The following FBXL5 variants were observed in gnomAD, a reference collection of about 807,000 sequenced individuals.
FBXL5 encodes the protein F-box and leucine rich repeat protein 5, also known as F-box/LRR-repeat protein 5.
FBXL5 carries 26 observed loss-of-function variants against 78.3 expected under a neutral mutation model. That is an observed-to-expected ratio of 0.33 (90% CI 0.24 to 0.46). The LOEUF is 0.46. Ranked by LOEUF, FBXL5 falls within the 20% of genes least tolerant of loss-of-function variation. FBXL5 has a pLI of 1.00. For missense variants in FBXL5, 710 were observed against 829.2 expected (o/e 0.86, Z 1.77); for synonymous variants, 295 against 282.5 (o/e 1.04, Z -0.45).
intron 9 of FBXL5, among the ~76,000 whole-genome samples, chr4:15,623,652 ACT>A (rs1306897419): frequency 1.3e-5 from 2 of 152,296 alleles, no homozygotes; most frequent in East Asian, 3.9e-4. Context: ...AAAGAATAAA[ACT>A]CAGAATAAAG....
chr4:15,651,049 G>T (rs1715973088), intron 1 of FBXL5, among the ~76,000 whole-genome samples: 1 of 152,168 alleles, frequency 6.6e-6, no homozygotes, highest in Non-Finnish European at 1.5e-5. Flanking sequence ...TTCAAAAATA[G>T]ATAAGAAAAC....
upstream of FBXL5, chr4:15,655,498 C>G: frequency 1.8e-6 from 1 of 549,238 alleles, no homozygotes; most frequent in Non-Finnish European, 2.3e-6. Flanking sequence ...CGCAGAGGCT[C>G]GCGGCTTCTG....
At chr4:15,639,547 C>T (rs1253771441) in intron 3 of FBXL5, among the ~76,000 whole-genome samples, 1 of 152,216 alleles carries the variant, frequency 6.6e-6, no homozygotes, top group Non-Finnish European at 1.5e-5. Context: ...GATGCTTAGT[C>T]TCAATCTCCA....
rs188417002 is a variant in FBXL5, at chr4:15,666,262, G to A, written c.-283-6340C>T. 8.3e-3 allele frequency among the ~76,000 whole-genome samples: 1,264 copies of A among 152,190 alleles called. 15 individuals carry two copies. The highest frequency in any genetic ancestry group is 0.029 in the African/African-American group (1,211 of 41,524). The stretch of plus-strand genomic sequence containing the variant: ...AAAAGTTAAAAAATTAGCCAGGTAT[G>A]GTGGTGCATGCCTGTAGTCCCAGCT... On this transcript the variant is annotated intron_variant, in intron 1 of 4. Transcript: ENST00000507899.
chr4:15,640,704 T>C lies in FBXL5; in HGVS notation c.396+84A>G, dbSNP rs187794230. The C allele has an allele frequency of 7.9e-4, 517 of 658,510 alleles. 4 individuals are homozygous for C. The East Asian group carries it at 0.011, about 14-fold the overall frequency. The allele number at this position is 658,510 out of a possible 1,614,324, so 40.8% of individuals were successfully genotyped here. ...TCCATCAACCAGATACATCTTCCTA[T>C]GCATTATTTTGAAGAGTCTCTAAAG... On this transcript the variant is annotated intron_variant, in intron 3 of 10. Transcript: ENST00000341285.
chr4:15,672,204 A>G (rs1717796792), intron 1 of FBXL5, among the ~76,000 whole-genome samples: 1 of 152,222 alleles, frequency 6.6e-6, no homozygotes, highest in Non-Finnish European at 1.5e-5. Flanking sequence ...ATGGTTTCCC[A>G]CAGCTGAGGC....
At chr4:15,623,397 A>G (rs1485024523) in intron 9 of FBXL5, among the ~76,000 whole-genome samples, 1 of 152,164 alleles carries the variant, frequency 6.6e-6, no homozygotes, top group Admixed American at 6.5e-5. Flanking sequence ...GCGGCTCTGA[A>G]AGGTCACATG....
intron 1 of FBXL5, among the ~76,000 whole-genome samples, chr4:15,665,075 C>G (rs1422837485): frequency 6.6e-6 from 1 of 152,164 alleles, no homozygotes; most frequent in Non-Finnish European, 1.5e-5. Context: ...ACTCCCACTA[C>G]AGCTACATTG....
chr4:15,626,123 AC>A, intron 8 of FBXL5, 146 bp from the exon 9 acceptor site: 1 of 782,658 alleles, frequency 1.3e-6, no homozygotes, highest in Non-Finnish European at 1.9e-6. Context: ...TTGTTAAGGT[AC>A]TATTCTTGAT....
intron 8 of FBXL5, 62 bp from the exon 9 acceptor site, chr4:15,626,039 T>C: frequency 1.4e-6 from 2 of 1,395,802 alleles, no homozygotes; most frequent in South Asian, 1.5e-5. Context: ...CATTTGACTA[T>C]ATGCATGTAG....
At chr4:15,670,914 CTTTTTTTT>C (rs57312794) in intron 1 of FBXL5, among the ~76,000 whole-genome samples, 17 of 54,180 alleles carry the variant, frequency 3.1e-4, no homozygotes, top group African/African-American at 1.2e-3. Flanking sequence ...TGTGCGTAGA[CTTTTTTTT>C]TTTTTTTTTT....
At chr4:15,634,358 T>A (rs1158246172) in intron 5 of FBXL5, among the ~76,000 whole-genome samples, 1 of 78,728 alleles carries the variant, frequency 1.3e-5, no homozygotes, top group African/African-American at 4.2e-5. Flanking sequence ...CTGACTAATT[T>A]TTTTTCTTTT....
intron 1 of FBXL5, among the ~76,000 whole-genome samples, chr4:15,652,863 A>G (rs1009440757): frequency 1.3e-5 from 2 of 150,700 alleles, no homozygotes; most frequent in African/African-American, 4.9e-5. Flanking sequence ...ACTAGTTCTC[A>G]TTTTATATAG....
intron 1 of FBXL5, among the ~76,000 whole-genome samples, chr4:15,645,195 C>T (rs1715238517): frequency 6.6e-6 from 1 of 151,850 alleles, no homozygotes; most frequent in Admixed American, 6.6e-5. Context: ...GTCTTATTGC[C>T]TATTATCAGC....
chr4:15,650,452 A>G (rs562407405), intron 1 of FBXL5, among the ~76,000 whole-genome samples: 1 of 152,098 alleles, frequency 6.6e-6, no homozygotes, highest in Non-Finnish European at 1.5e-5. Flanking sequence ...CACAAAAGAG[A>G]TTTATGACCT....
chr4:15,612,913 T>A (rs979319679), intron 9 of FBXL5, among the ~76,000 whole-genome samples: 1 of 152,188 alleles, frequency 6.6e-6, no homozygotes, highest in African/African-American at 2.4e-5. Flanking sequence ...ATGTTCATAG[T>A]AGCATTATTC....
At position 15,630,657 on chromosome 4, in the gene FBXL5, C is replaced by G. The variant is rs1713531996; in HGVS notation, c.892+9G>C. The G allele has an allele frequency of 6.4e-7, 1 of 1,553,984 alleles. No homozygotes were observed. The highest frequency in any genetic ancestry group is 8.6e-7 in the Non-Finnish European group (1 of 1,158,390). Reference sequence around the variant, plus strand: ...ACTATGTAATAATTTTAATTCCAAACAAGCTTACCAGATTCATCAATGTCA... The same window carrying G: ...ACTATGTAATAATTTTAATTCCAAAGAAGCTTACCAGATTCATCAATGTCA... On this transcript the variant is annotated intron_variant, in intron 6 of 10. Transcript: ENST00000341285.
In FBXL5 at chr4:15,640,409, AAC is replaced by A. The variant is rs1491119321; in HGVS notation, c.396+377_396+378del. Among the ~76,000 whole-genome samples, 1,027 of 149,628 alleles carry A rather than the reference AAC, an allele frequency of 6.9e-3. 4 individuals carry two copies. Among genetic ancestry groups the A allele is most frequent in the African/African-American group, 0.024 (965 of 39,458 alleles). On this transcript the variant is annotated intron_variant, in intron 3 of 10. Coordinates refer to ENST00000341285, the MANE Select transcript of FBXL5 (RefSeq NM_012161.4). ...TACACTACTGAAAAAAAAAAAAAAA[AAC>A]ATGAAAAAATCTTTAAACATAGCAT... is the stretch of plus-strand genomic sequence containing the variant.
At chr4:15,632,744 C>T (rs1049680408) in intron 5 of FBXL5, among the ~76,000 whole-genome samples, 2 of 152,124 alleles carry the variant, frequency 1.3e-5, no homozygotes, top group South Asian at 2.1e-4. Flanking sequence ...GTGATTTTTG[C>T]ACATTGATTT....
Sources: gnomAD v4.1 joint callset for allele counts (sites outside exome capture counted in the v4.1 genomes callset) on GRCh38, gnomAD v4.1.1 for gene constraint, MANE v1.5 for transcripts, NCBI Gene and HGNC (gene_info 2026-07-23, HGNC 2026-07-21) for gene names.